Variants in KREMEN1 observed in about 807,000 individuals in gnomAD.
KREMEN1 encodes kringle containing transmembrane protein 1, also known as kremen protein 1.
Under a neutral mutation model 46.5 loss-of-function variants are expected in KREMEN1, and 30 were observed. The observed-to-expected ratio is 0.65, with a 90% CI of 0.48 to 0.88. KREMEN1 has a LOEUF of 0.88. Among genes scored for constraint, KREMEN1 ranks in the 40% least tolerant of loss-of-function variants. The pLI, the probability that KREMEN1 is intolerant of heterozygous loss-of-function variation, is 0.00. For missense variants in KREMEN1, 533 were observed against 596.9 expected, an observed-to-expected ratio of 0.89 and a Z score of 1.11; for synonymous variants, 214 against 230.6, an observed-to-expected ratio of 0.93 and a Z score of 0.65.
At chr22:29,114,287 C>T (rs1432489688) in intron 3 of KREMEN1, among the ~76,000 whole-genome samples, 2 of 151,850 alleles carry the variant, frequency 1.3e-5, no homozygotes, top group Non-Finnish European at 2.9e-5. Flanking sequence ...AGTTCGAGAC[C>T]AGCCTGGCCA....
At chr22:29,089,175 G>A (rs2037772657) in intron 1 of KREMEN1, among the ~76,000 whole-genome samples, 1 of 152,164 alleles carries the variant, frequency 6.6e-6, no homozygotes, top group South Asian at 2.1e-4. Context: ...CCAGACTCAT[G>A]TAGCCATTTG....
chr22:29,111,500 G>C (rs2038149025), intron 3 of KREMEN1: 1 of 151,262 alleles, frequency 6.6e-6, no homozygotes, highest in African/African-American at 2.4e-5. Flanking sequence ...TGTAGTCCCA[G>C]CTACGCGGGA....
At chr22:29,082,450 A>G (rs116176021) in intron 1 of KREMEN1, among the ~76,000 whole-genome samples, 4,131 of 152,286 alleles carry the variant, frequency 0.027, 114 homozygotes, top group South Asian at 0.082. Context: ...ATTTACATGA[A>G]CTTTCCTAGA....
rs1481618770 is a variant in KREMEN1 at position 29,144,695 on chromosome 22, G to A, written c.*2583G>A. On this transcript the variant is annotated 3_prime_UTR_variant, in exon 9 of 9. Transcript: ENST00000400335. ...GCAGCACAAAGGGAATGTGGCACGT[G>A]GCCCCAGGAAGAGTTCACCCGGCCA... The A allele has an allele frequency of 3.0e-6, 3 of 985,420 alleles. No individual in the cohort carries two copies. The African/African-American group carries it at 5.2e-5, about 17-fold the overall frequency. The allele number at this position is 985,420 out of a possible 1,614,324, so 61.0% of individuals were successfully genotyped here.
chr22:29,136,079 G>A (rs9620864), intron 5 of KREMEN1, among the ~76,000 whole-genome samples: 4,794 of 151,876 alleles, frequency 0.032, 250 homozygotes, highest in African/African-American at 0.11. Flanking sequence ...ACGCCACCAC[G>A]CCCAGCTAAT....
chr22:29,076,541 T>C (rs2037573819), intron 1 of KREMEN1, among the ~76,000 whole-genome samples: 1 of 152,226 alleles, frequency 6.6e-6, no homozygotes, highest in South Asian at 2.1e-4. Context: ...TATACTTTAG[T>C]CCCTAGACAA....
chr22:29,154,596 G>C (rs1054185818), intron 9 of KREMEN1: 1 of 152,348 alleles, frequency 6.6e-6, no homozygotes, highest in Non-Finnish European at 1.5e-5. Context: ...TGCAGGAGCC[G>C]TCCCAGCGCA....
chr22:29,152,674 C>T (rs189271775), intron 9 of KREMEN1, among the ~76,000 whole-genome samples: 173 of 152,104 alleles, frequency 1.1e-3, no homozygotes, highest in Non-Finnish European at 1.9e-3. Flanking sequence ...TCTTGGGGCT[C>T]TGGCACACTG....
downstream of KREMEN1, among the ~76,000 whole-genome samples, chr22:29,150,972 C>T (rs757846088): frequency 2.6e-5 from 4 of 152,182 alleles, no homozygotes; most frequent in Non-Finnish European, 5.9e-5. Flanking sequence ...TGTTGAGCTG[C>T]AGGCCCCTCC....
At chr22:29,151,380 C>G (rs377180547), downstream of KREMEN1, among the ~76,000 whole-genome samples, 1 of 152,132 alleles carries the variant, frequency 6.6e-6, no homozygotes, top group African/African-American at 2.4e-5. Context: ...TGCCAGGGGT[C>G]GGCAAACATT....
chr22:29,164,958 A>G (rs564353876), intron 9 of KREMEN1, among the ~76,000 whole-genome samples: 132 of 151,880 alleles, frequency 8.7e-4, no homozygotes, highest in Non-Finnish European at 1.6e-3. Flanking sequence ...GCGGATCACA[A>G]AGTCAGGGGT....
At chr22:29,115,885 A>C (rs2038231403) in intron 3 of KREMEN1, among the ~76,000 whole-genome samples, 1 of 152,188 alleles carries the variant, frequency 6.6e-6, no homozygotes. Context: ...AATACACTAC[A>C]ATTTGGTCTC....
intron 1 of KREMEN1, among the ~76,000 whole-genome samples, chr22:29,085,994 CT>C (rs1251899016): frequency 6.8e-6 from 1 of 147,628 alleles, no homozygotes; most frequent in Non-Finnish European, 1.5e-5. Flanking sequence ...GCCTAAGTGC[CT>C]CTCAGAGGGA....
chr22:29,090,276 A>G (rs7289560), intron 1 of KREMEN1, among the ~76,000 whole-genome samples: 8,343 of 152,286 alleles, frequency 0.055, 281 homozygotes, highest in East Asian at 0.12. Context: ...TATTTAGCCA[A>G]AGCTTACATC....
In KREMEN1 at chr22:29,073,150, G is replaced by A. The variant is rs1286918213; in HGVS notation, c.20G>A (p.Arg7His). 4 of 1,121,132 alleles carry A rather than the reference G, an allele frequency of 3.6e-6. No individual in the cohort carries two copies. Among genetic ancestry groups the A allele is most frequent in the South Asian group, 3.7e-5 (1 of 27,194 alleles). The allele number at this position is 1,121,132 out of a possible 1,614,324, so 69.4% of individuals were successfully genotyped here. A position where few individuals can be genotyped will look rare whatever the true frequency, so the allele number is the denominator to read the frequency against. Residue 7 changes from arginine to histidine, a missense_variant, in exon 1 of 9, where the codon CGC becomes CAC. Transcript: ENST00000400335. The surrounding 1 kb of genome is among the most constrained non-coding windows in gnomAD (Gnocchi z 4.4). MAPPAA[R>H]LALLSAAALT... is the part of the protein sequence containing the mutation. ...CGGCCCATGGCGCCGCCAGCCGCCC[G>A]CCTCGCCCTGCTCTCCGCCGCGGCG...
chr22:29,094,499 A>C, intron 2 of KREMEN1, 79 bp downstream of exon 2: 4 of 1,345,588 alleles, frequency 3.0e-6, no homozygotes, highest in Non-Finnish European at 4.1e-6. Context: ...ATCCCAGCTC[A>C]CAACTAGGGG....
In KREMEN1 at chr22:29,144,289, A is replaced by G; in HGVS notation, c.*2177A>G. The stretch of plus-strand genomic sequence containing the variant: ...TGGGAGGAAAGAGGGCCACACAGGA[A>G]GTGTCTGCAGGGAGAGGTGGCACTC... On this transcript the variant is annotated 3_prime_UTR_variant, in exon 9 of 9. Transcript: ENST00000400335. The G allele has an allele frequency of 3.0e-6, 3 of 985,694 alleles. No homozygotes were observed. Among genetic ancestry groups the G allele is most frequent in the Non-Finnish European group, 2.4e-6 (2 of 830,108 alleles). The allele number at this position is 985,694 out of a possible 1,614,324, so 61.1% of individuals were successfully genotyped here. A position where few individuals can be genotyped will look rare whatever the true frequency, so the allele number is the denominator to read the frequency against.
chr22:29,162,716 AAAAAAAAG>A (rs956453718), intron 9 of KREMEN1, among the ~76,000 whole-genome samples: 8 of 152,088 alleles, frequency 5.3e-5, no homozygotes, highest in South Asian at 2.1e-4. Flanking sequence ...CCGTCACACA[AAAAAAAAG>A]AAAAAAAGAA....
chr22:29,097,070 G>A (rs1231421034), intron 2 of KREMEN1, among the ~76,000 whole-genome samples: 3 of 152,250 alleles, frequency 2.0e-5, no homozygotes, highest in African/African-American at 7.2e-5. Flanking sequence ...AGAAACAAAA[G>A]GACGCTTTGT....
Sources: gnomAD v4.1 joint callset for allele counts (sites outside exome capture counted in the v4.1 genomes callset) on GRCh38, gnomAD v4.1.1 for gene constraint, Gnocchi (gnomAD v3.1) non-coding constraint, MANE v1.5 for transcripts, NCBI Gene and HGNC (gene_info 2026-07-23, HGNC 2026-07-21) for gene names.